FHIT: variants seen among roughly 807,000 people sequenced by gnomAD.
The protein encoded by FHIT is bis(5'-adenosyl)-triphosphatase.
Under a neutral mutation model 17.9 loss-of-function variants are expected in FHIT, and 19 were observed. The ratio of observed to expected loss-of-function variants is 1.06; its 90% CI spans 0.74 to 1.56. The LOEUF is 1.56. FHIT is among the 40% of genes most tolerant of loss of function. FHIT has a pLI of 0.00. For missense variants in FHIT, 248 were observed against 189.2 expected (o/e 1.31, Z -1.82); for synonymous variants, 81 against 69.7 (o/e 1.16, Z -0.81).
intron 5 of FHIT, among the ~76,000 whole-genome samples, chr3:60,065,239 A>C (rs189168781): frequency 5.4e-4 from 82 of 152,330 alleles, no homozygotes; most frequent in Admixed American, 9.1e-4. Context: ...GAGGAACCTT[A>C]TGAGCTAGAA....
chr3:61,016,910 A>G (rs1342872396), intron 3 of FHIT, among the ~76,000 whole-genome samples: 1 of 152,268 alleles, frequency 6.6e-6, no homozygotes, highest in African/African-American at 2.4e-5. Context: ...AGGTTTCTCC[A>G]CAAAAGATGA....
intron 8 of FHIT, among the ~76,000 whole-genome samples, chr3:59,796,864 A>G (rs1301949361): frequency 6.6e-6 from 1 of 152,212 alleles, no homozygotes; most frequent in East Asian, 1.9e-4. Flanking sequence ...TGCCAAAAAT[A>G]AAGTCATATA....
At chr3:60,223,276 CA>C (rs1406854276) in intron 5 of FHIT, among the ~76,000 whole-genome samples, 1 of 152,084 alleles carries the variant, frequency 6.6e-6, no homozygotes, top group African/African-American at 2.4e-5. Flanking sequence ...ATGTATTTTG[CA>C]GGGGAGGACC....
chr3:60,157,987 G>C (rs1229753252), intron 5 of FHIT, among the ~76,000 whole-genome samples: 1 of 152,158 alleles, frequency 6.6e-6, no homozygotes, highest in African/African-American at 2.4e-5. Context: ...TCCTGAAAGA[G>C]ACTAGTTGTT....
At chr3:60,753,344 T>C (rs1263336911) in intron 4 of FHIT, among the ~76,000 whole-genome samples, 3 of 152,214 alleles carry the variant, frequency 2.0e-5, no homozygotes, top group Admixed American at 2.0e-4. Flanking sequence ...TGGCTGAAGA[T>C]GTGCAGCCCT....
At chr3:60,653,061 G>A (rs185700629) in intron 4 of FHIT, among the ~76,000 whole-genome samples, 9 of 151,994 alleles carry the variant, frequency 5.9e-5, no homozygotes, top group East Asian at 1.9e-4. Context: ...AAAATAGACC[G>A]CAACAATAGC....
intron 9 of FHIT, 138 bp downstream of exon 9, chr3:59,752,083 C>G (rs1336148175): frequency 8.7e-6 from 5 of 571,610 alleles, no homozygotes; most frequent in Non-Finnish European, 1.5e-5. Flanking sequence ...GGGTTTTCTC[C>G]CCTCCAGCTC....
chr3:61,016,096 G>A (rs1367570512), intron 3 of FHIT, among the ~76,000 whole-genome samples: 2 of 152,154 alleles, frequency 1.3e-5, no homozygotes, highest in Non-Finnish European at 2.9e-5. Flanking sequence ...AAGAGGATGT[G>A]TTTTCATAAA....
intron 7 of FHIT, among the ~76,000 whole-genome samples, chr3:59,989,964 C>T (rs1383550611): frequency 3.9e-5 from 6 of 151,986 alleles, no homozygotes; most frequent in Admixed American, 2.6e-4. Context: ...AGTCAAGAGA[C>T]GGATGAGAAG....
At chr3:60,233,143 T>C (rs1704588928) in intron 5 of FHIT, among the ~76,000 whole-genome samples, 1 of 152,172 alleles carries the variant, frequency 6.6e-6, no homozygotes. Flanking sequence ...TACTTTTCTA[T>C]TTTCATATCT....
chr3:60,128,096 G>A (rs1705641349), intron 5 of FHIT, among the ~76,000 whole-genome samples: 1 of 152,168 alleles, frequency 6.6e-6, no homozygotes, highest in African/African-American at 2.4e-5. Flanking sequence ...ACAACATTGA[G>A]TATTTAATAT....
chr3:61,001,589 C>G lies in FHIT; in HGVS notation c.-111+40458G>C, dbSNP rs139382665. Among the ~76,000 whole-genome samples the G allele has an allele frequency of 1.5e-3, 233 of 152,280 alleles. 2 individuals are homozygous for G. Among genetic ancestry groups the G allele is most frequent in the African/African-American group, 5.1e-3 (214 of 41,562 alleles). On this transcript the variant is annotated intron_variant, in intron 3 of 9. Transcript: ENST00000492590. ...ATACTATATGATTACTTTAATATAG[C>G]ATTCATGAAATATGATAATCATAGA...
intron 1 of FHIT, among the ~76,000 whole-genome samples, chr3:61,216,347 A>G (rs2106798661): frequency 6.6e-6 from 1 of 152,356 alleles, no homozygotes; most frequent in Non-Finnish European, 1.5e-5. Context: ...ATGAAGAGAC[A>G]CTTCTCAAAA....
intron 5 of FHIT, among the ~76,000 whole-genome samples, chr3:60,517,458 T>C (rs1385017203): frequency 1.3e-5 from 2 of 152,164 alleles, no homozygotes; most frequent in South Asian, 2.1e-4. Context: ...CCTCTGTCTC[T>C]CTACACCCAC....
At chr3:60,770,086 G>A (rs987269681) in intron 4 of FHIT, among the ~76,000 whole-genome samples, 1 of 152,270 alleles carries the variant, frequency 6.6e-6, no homozygotes. Flanking sequence ...TACCATGCAG[G>A]TAAATCCTCT....
intron 7 of FHIT, among the ~76,000 whole-genome samples, 199 bp from the exon 8 acceptor site, chr3:59,922,613 T>TG (rs557657283): frequency 1.9e-3 from 295 of 152,142 alleles, no homozygotes; most frequent in Non-Finnish European, 3.8e-3. Context: ...GAGAACAACT[T>TG]GGGGTATATA....
At chr3:60,890,221 T>TAAAAAAAAAA (rs59950717) in intron 3 of FHIT, among the ~76,000 whole-genome samples, 13 of 115,658 alleles carry the variant, frequency 1.1e-4, no homozygotes, top group Non-Finnish European at 1.7e-4. Context: ...TTCCATGATG[T>TAAAAAAAAAA]AAAAAAAAAA....
At chr3:61,098,541 C>T (rs1267173847) in intron 2 of FHIT, among the ~76,000 whole-genome samples, 1 of 152,154 alleles carries the variant, frequency 6.6e-6, no homozygotes, top group Non-Finnish European at 1.5e-5. Flanking sequence ...CTGTTAAGGG[C>T]CATATGGCCA....
chr3:60,113,444 A>G (rs1704770408), intron 5 of FHIT, among the ~76,000 whole-genome samples: 1 of 151,910 alleles, frequency 6.6e-6, no homozygotes, highest in African/African-American at 2.4e-5. Flanking sequence ...GTGTGTGGCC[A>G]TACACAGTGA....
Sources: gnomAD v4.1 joint callset for allele counts (sites outside exome capture counted in the v4.1 genomes callset) on GRCh38, gnomAD v4.1.1 for gene constraint, MANE v1.5 for transcripts, NCBI Gene and HGNC (gene_info 2026-07-23, HGNC 2026-07-21) for gene names.